Variants in MECOM observed in about 807,000 individuals in gnomAD.
MECOM encodes histone-lysine N-methyltransferase MECOM.
A neutral mutation model predicts 116.3 loss-of-function variants in MECOM; 13 were observed. The ratio of observed to expected loss-of-function variants is 0.11; its 90% confidence interval spans 0.07 to 0.18. The LOEUF is 0.18. MECOM is among the 10% of genes least tolerant of loss of function. MECOM has a pLI of 1.00. For missense variants in MECOM, 1,299 were observed against 1,509.0 expected (o/e 0.86, Z 2.31); for synonymous variants, 528 against 535.2 (o/e 0.99, Z 0.19).
At chr3:169,632,302 T>C (rs1772194414) in intron 1 of MECOM, among the ~76,000 whole-genome samples, 1 of 152,076 alleles carries the variant, frequency 6.6e-6, no homozygotes, top group South Asian at 2.1e-4. Context: ...TAAAAATAGG[T>C]GCTAAAAATT....
chr3:169,364,548 T>C (rs1054250844), intron 2 of MECOM, among the ~76,000 whole-genome samples: 2 of 152,044 alleles, frequency 1.3e-5, no homozygotes, highest in Non-Finnish European at 2.9e-5. Flanking sequence ...TCCCGTTATT[T>C]ACACTCACCA....
intron 1 of MECOM, among the ~76,000 whole-genome samples, chr3:169,506,466 C>CTTTTTTT (rs59006044): frequency 2.7e-5 from 4 of 147,696 alleles, no homozygotes; most frequent in Admixed American, 6.7e-5. Flanking sequence ...GGTGAGTACT[C>CTTTTTTT]TTTTTTTTTT....
intron 1 of MECOM, among the ~76,000 whole-genome samples, chr3:169,634,160 T>C (rs1394752416): frequency 2.6e-5 from 4 of 152,024 alleles, no homozygotes; most frequent in African/African-American, 9.7e-5. Flanking sequence ...CTTTAGGTCT[T>C]TTCAAAACAA....
At chr3:169,274,850 T>A (rs1759395865) in intron 2 of MECOM, among the ~76,000 whole-genome samples, 1 of 152,234 alleles carries the variant, frequency 6.6e-6, no homozygotes, top group South Asian at 2.1e-4. Flanking sequence ...CTATTGGGCA[T>A]CTCTTATTCC....
intron 1 of MECOM, among the ~76,000 whole-genome samples, chr3:169,603,651 C>T (rs1221587233): frequency 6.6e-6 from 1 of 152,084 alleles, no homozygotes; most frequent in East Asian, 1.9e-4. Flanking sequence ...TATACATTTT[C>T]TATGTTATGC....
At chr3:169,532,600 G>C (rs1422070086) in intron 1 of MECOM, among the ~76,000 whole-genome samples, 1 of 152,130 alleles carries the variant, frequency 6.6e-6, no homozygotes, top group Non-Finnish European at 1.5e-5. Flanking sequence ...GGAACATGCT[G>C]CCTTATAAAT....
intron 1 of MECOM, among the ~76,000 whole-genome samples, chr3:169,504,345 A>G (rs1754943831): frequency 6.6e-6 from 1 of 151,912 alleles, no homozygotes; most frequent in African/African-American, 2.4e-5. Context: ...AGCAACCAAG[A>G]CTTATACCAG....
chr3:169,543,227 A>G (rs531038143), intron 1 of MECOM, among the ~76,000 whole-genome samples: 1 of 152,208 alleles, frequency 6.6e-6, no homozygotes, highest in Non-Finnish European at 1.5e-5. Context: ...CTGACTTATA[A>G]ATGCAAGCAA....
chr3:169,419,191 T>C (rs1739274845), intron 1 of MECOM, among the ~76,000 whole-genome samples: 1 of 152,140 alleles, frequency 6.6e-6, no homozygotes, highest in African/African-American at 2.4e-5. Context: ...TCCCAAGGGA[T>C]GTGAAAGACC....
At chr3:169,280,610 T>C (rs1711722980) in intron 2 of MECOM, among the ~76,000 whole-genome samples, 3 of 152,296 alleles carry the variant, frequency 2.0e-5, no homozygotes, top group African/African-American at 7.2e-5. Context: ...GGAGGGGTTG[T>C]GGCCACAGTG....
chr3:169,659,180 C>A (rs558697706), intron 1 of MECOM, among the ~76,000 whole-genome samples: 1 of 152,072 alleles, frequency 6.6e-6, no homozygotes, highest in East Asian at 1.9e-4. Flanking sequence ...CTGCAGGAAG[C>A]CGGCCCCAGG....
At chr3:169,454,456 C>T (rs980474295) in intron 1 of MECOM, among the ~76,000 whole-genome samples, 5 of 149,214 alleles carry the variant, frequency 3.4e-5, no homozygotes, top group Non-Finnish European at 7.4e-5. Flanking sequence ...TTCACAAGGC[C>T]ATTTCTGCTA....
At chr3:169,620,068 C>G (rs964377874) in intron 1 of MECOM, among the ~76,000 whole-genome samples, 6 of 152,166 alleles carry the variant, frequency 3.9e-5, no homozygotes, top group African/African-American at 1.4e-4. Context: ...CCATCCGAGC[C>G]GAAGCAATGG....
intron 1 of MECOM, among the ~76,000 whole-genome samples, chr3:169,427,091 T>C (rs999599431): frequency 2.0e-5 from 3 of 152,162 alleles, no homozygotes; most frequent in African/African-American, 4.8e-5. Flanking sequence ...GAATTCTTTT[T>C]TAAAGCCTCT....
intron 2 of MECOM, among the ~76,000 whole-genome samples, chr3:169,314,242 A>G (rs1286887057): frequency 6.6e-6 from 1 of 152,248 alleles, no homozygotes; most frequent in Non-Finnish European, 1.5e-5. Context: ...TGAATTGACC[A>G]TATGGCATAG....
intron 2 of MECOM, among the ~76,000 whole-genome samples, chr3:169,224,295 G>C (rs993926985): frequency 2.6e-5 from 4 of 152,168 alleles, no homozygotes; most frequent in Non-Finnish European, 4.4e-5. Context: ...ACAAAGGCCT[G>C]GCAGTGATAG....
chr3:169,122,886 G>A (rs1731515716), intron 5 of MECOM, among the ~76,000 whole-genome samples, 159 bp from the exon 6 acceptor site: 1 of 152,114 alleles, frequency 6.6e-6, no homozygotes. Context: ...AGACAAAAGT[G>A]CATTTTATAT....
At chr3:169,599,511 CAAA>C (rs535539075) in intron 1 of MECOM, among the ~76,000 whole-genome samples, 15 of 94,518 alleles carry the variant, frequency 1.6e-4, no homozygotes, top group Non-Finnish European at 2.1e-4. Flanking sequence ...GACTCTGTCT[CAAA>C]AAAAAAAAAA....
In MECOM at chr3:169,218,045, T is replaced by C. The variant is rs370292756; in HGVS notation, c.376-74213A>G. On this transcript the variant is annotated intron_variant, in intron 2 of 16. Transcript: ENST00000651503. ...AAATTAATGCTTAGGGCAGTAATCATTTGACTACTATAAATCATGTAAAGC... is the reference window on the plus strand; with the variant it reads ...AAATTAATGCTTAGGGCAGTAATCACTTGACTACTATAAATCATGTAAAGC... Among the ~76,000 whole-genome samples, 20 of 151,976 alleles carry C rather than the reference T, an allele frequency of 1.3e-4. No individual in the cohort carries two copies. In the East Asian group the frequency reaches 2.1e-3, roughly 16 times the overall value.
Sources: allele counts gnomAD v4.1 joint callset (sites outside exome capture counted in the v4.1 genomes callset), GRCh38; gene constraint gnomAD v4.1.1; transcripts MANE v1.5; gene names NCBI Gene and HGNC (gene_info 2026-07-23, HGNC 2026-07-21).